Variants in CDH4 observed in about 807,000 individuals in gnomAD.
CDH4 encodes cadherin 4.
Under a neutral mutation model 86.0 loss-of-function variants are expected in CDH4, and 33 were observed. The observed-to-expected ratio is 0.38, with a 90% CI of 0.29 to 0.51. The LOEUF is 0.51. CDH4 is among the 20% of genes least tolerant of loss of function. The pLI, the probability that CDH4 is intolerant of heterozygous loss-of-function variation, is 0.86. For synonymous variants in CDH4, 555 were observed against 549.4 expected, an observed-to-expected ratio of 1.01 and a Z score of -0.14; for missense variants, 1,114 against 1,307.4, an observed-to-expected ratio of 0.85 and a Z score of 2.28.
intron 8 of CDH4, among the ~76,000 whole-genome samples, chr20:61,908,233 G>A (rs1227597201): frequency 3.3e-5 from 5 of 152,328 alleles, no homozygotes; most frequent in East Asian, 1.9e-4. Context: ...TCGCGTCGCC[G>A]TCCTTTTTAG....
chr20:61,790,764 C>G (rs1979140579), intron 4 of CDH4, among the ~76,000 whole-genome samples: 1 of 151,530 alleles, frequency 6.6e-6, no homozygotes, highest in Admixed American at 6.6e-5. Flanking sequence ...ATCTATCCAT[C>G]TATCCATTCA....
intron 4 of CDH4, among the ~76,000 whole-genome samples, chr20:61,822,532 G>A (rs1180596109): frequency 2.6e-5 from 4 of 152,206 alleles, no homozygotes; most frequent in African/African-American, 4.8e-5. Flanking sequence ...AAGGTATTCC[G>A]TGGTGCCTCC....
chr20:61,450,862 C>T (rs1600689606), intron 2 of CDH4, among the ~76,000 whole-genome samples: 2 of 151,178 alleles, frequency 1.3e-5, no homozygotes, highest in South Asian at 4.2e-4. Context: ...TCTGCTCTAA[C>T]CCAGTGTCCT....
At chr20:61,372,124 C>T (rs947428271) in intron 2 of CDH4, among the ~76,000 whole-genome samples, 2 of 152,334 alleles carry the variant, frequency 1.3e-5, no homozygotes, top group African/African-American at 2.4e-5. Context: ...CGTTCTCTGC[C>T]GGGTGTTTTG....
intron 2 of CDH4, among the ~76,000 whole-genome samples, chr20:61,378,555 G>C (rs567993159): frequency 6.6e-6 from 1 of 152,138 alleles, no homozygotes; most frequent in Non-Finnish European, 1.5e-5. Flanking sequence ...CCTCTCATCT[G>C]TGTGTCCCTC....
chr20:61,608,908 G>A (rs6142808), intron 2 of CDH4, among the ~76,000 whole-genome samples: 89,374 of 151,920 alleles, frequency 0.59, 26,826 homozygotes, highest in East Asian at 0.78. Flanking sequence ...CTTGGCCAAC[G>A]CTGCTGCATT....
chr20:61,468,306 A>G (rs944264513), intron 2 of CDH4, among the ~76,000 whole-genome samples: 2 of 152,234 alleles, frequency 1.3e-5, no homozygotes, highest in Admixed American at 6.5e-5. Context: ...GGACTTAGAA[A>G]TGGCCTCTCC....
At chr20:61,549,669 C>T (rs996039183) in intron 2 of CDH4, among the ~76,000 whole-genome samples, 6 of 152,188 alleles carry the variant, frequency 3.9e-5, no homozygotes, top group African/African-American at 1.4e-4. Flanking sequence ...GACTAAACAG[C>T]GAAGCCTCCG....
intron 2 of CDH4, among the ~76,000 whole-genome samples, chr20:61,361,671 C>T (rs982289588): frequency 6.6e-6 from 1 of 152,198 alleles, no homozygotes; most frequent in Non-Finnish European, 1.5e-5. Context: ...GGTGACGGAC[C>T]CAACCCAAGC....
chr20:61,835,138 A>T (rs1236562784), intron 4 of CDH4, among the ~76,000 whole-genome samples: 5 of 151,590 alleles, frequency 3.3e-5, no homozygotes, highest in Non-Finnish European at 7.4e-5. Context: ...CTGGTCTTGA[A>T]CTCCTGGCCT....
chr20:61,926,988 G>GT (rs561483159), intron 11 of CDH4, among the ~76,000 whole-genome samples: 5 of 152,206 alleles, frequency 3.3e-5, no homozygotes, highest in Non-Finnish European at 5.9e-5. Context: ...TGGAGCAGGA[G>GT]CCCCCCGGTT....
chr20:61,861,022 G>A (rs946893983), intron 6 of CDH4, among the ~76,000 whole-genome samples: 15 of 152,212 alleles, frequency 9.9e-5, no homozygotes, highest in Non-Finnish European at 1.8e-4. Context: ...TGGACCTTTT[G>A]AGAAGAGCAA....
rs548776209 is a variant in CDH4 at position 61,311,188 on chromosome 20, A to AACACACACCCACACCC, written c.169+56267_169+56282dup. Among the ~76,000 whole-genome samples the AACACACACCCACACCC allele has an allele frequency of 4.0e-4, 61 of 152,158 alleles. 1 individual carries two copies. In the South Asian group the frequency reaches 0.012, roughly 31 times the overall value. ...TCAAACGTTTAAAATTAGCTCATTA[A>AACACACACCCACACCC]ACACACACCCACACCCACACACACC... On this transcript the variant is annotated intron_variant, in intron 2 of 15. Transcript: ENST00000614565.
At chr20:61,595,385 C>T (rs767282158) in intron 2 of CDH4, among the ~76,000 whole-genome samples, 1 of 152,222 alleles carries the variant, frequency 6.6e-6, no homozygotes. Context: ...GTGTGCCCGT[C>T]AGGGCTGCCT....
intron 10 of CDH4, among the ~76,000 whole-genome samples, chr20:61,923,949 C>G (rs572435337): frequency 6.6e-6 from 1 of 152,244 alleles, no homozygotes; most frequent in Non-Finnish European, 1.5e-5. Context: ...TGTCTAGACA[C>G]AGGCCGGCCC....
At chr20:61,473,791 ACACT>A (rs931872731) in intron 2 of CDH4, among the ~76,000 whole-genome samples, 6 of 152,040 alleles carry the variant, frequency 3.9e-5, no homozygotes, top group African/African-American at 7.3e-5. Context: ...ACACACTCAG[ACACT>A]CACAGACGCA....
At chr20:61,487,705 T>A (rs565709548) in intron 2 of CDH4, among the ~76,000 whole-genome samples, 29 of 152,322 alleles carry the variant, frequency 1.9e-4, no homozygotes, top group African/African-American at 6.7e-4. Flanking sequence ...CAGCTAGAAA[T>A]CTAGCTTGAA....
rs368680932 is a variant in CDH4, at chr20:61,895,081, C to T, written c.1188+34C>T. The T allele has an allele frequency of 5.0e-6, 8 of 1,608,570 alleles. No homozygotes were observed. The Admixed American group carries it at 6.7e-5, about 13-fold the overall frequency. ...CTCGAAGCTGCCCAGTGACGCATGG[C>T]CCGTGCAGGGCAGGAATGCACTGGC... On this transcript the variant is annotated intron_variant, in intron 8 of 15. Transcript: ENST00000614565.
At chr20:61,508,917 T>C (rs1011516896) in intron 2 of CDH4, among the ~76,000 whole-genome samples, 2 of 152,192 alleles carry the variant, frequency 1.3e-5, no homozygotes, top group Admixed American at 1.3e-4. Flanking sequence ...CCCTCCCCAC[T>C]CTGCCTCCAC....
Sources: gnomAD v4.1 joint callset for allele counts (sites outside exome capture counted in the v4.1 genomes callset) on GRCh38, gnomAD v4.1.1 for gene constraint, MANE v1.5 for transcripts, NCBI Gene and HGNC (gene_info 2026-07-23, HGNC 2026-07-21) for gene names.